DOCK2: variants seen among roughly 807,000 people sequenced by gnomAD.
DOCK2 encodes dedicator of cytokinesis 2.
In DOCK2, 87 loss-of-function variants were observed where a neutral mutation model predicts 248.9. The ratio of observed to expected loss-of-function variants is 0.35; its 90% CI spans 0.29 to 0.42. The LOEUF (loss-of-function observed/expected upper bound fraction) is 0.42, where lower values mean the gene tolerates loss of function less well. DOCK2 is among the 10% of genes least tolerant of loss of function. The pLI is 1.00. For missense variants in DOCK2, 1,747 were observed against 2,300.2 expected (o/e 0.76, Z 4.92); for synonymous variants, 805 against 821.6 (o/e 0.98, Z 0.35).
chr5:169,983,348 A>G (rs530056595), intron 28 of DOCK2, among the ~76,000 whole-genome samples, 182 bp downstream of exon 28: 1 of 152,314 alleles, frequency 6.6e-6, no homozygotes, highest in East Asian at 1.9e-4. Context: ...ATACATTCTT[A>G]GGTTTGCATC....
At chr5:169,668,335 A>C (rs1390560727) in intron 2 of DOCK2, among the ~76,000 whole-genome samples, 2 of 152,050 alleles carry the variant, frequency 1.3e-5, no homozygotes, top group Non-Finnish European at 2.9e-5. Flanking sequence ...TGTCACTCAA[A>C]AAGAAGCTAT....
intron 27 of DOCK2, among the ~76,000 whole-genome samples, chr5:169,855,900 ACTC>A (rs1192408459): frequency 2.6e-5 from 4 of 152,200 alleles, no homozygotes; most frequent in African/African-American, 9.7e-5. Flanking sequence ...GGTTTAATTT[ACTC>A]ACAGTTCCAT....
At chr5:169,945,844 T>A (rs566986638) in intron 27 of DOCK2, among the ~76,000 whole-genome samples, 4 of 152,338 alleles carry the variant, frequency 2.6e-5, no homozygotes, top group South Asian at 2.1e-4. Flanking sequence ...TTGTGCAGCC[T>A]GATTTTTCTT....
chr5:169,729,137 G>C (rs1762633985), intron 22 of DOCK2, among the ~76,000 whole-genome samples: 2 of 152,192 alleles, frequency 1.3e-5, no homozygotes, highest in South Asian at 2.1e-4. Context: ...TGTAGATTTA[G>C]AAACTGCATT....
intron 25 of DOCK2, among the ~76,000 whole-genome samples, chr5:169,776,298 G>A (rs1408771680): frequency 2.0e-5 from 3 of 151,678 alleles, no homozygotes; most frequent in Non-Finnish European, 4.4e-5. Flanking sequence ...AAGTAGCTAG[G>A]AATGCAGGCA....
intron 25 of DOCK2, among the ~76,000 whole-genome samples, chr5:169,789,291 T>G (rs1405606240): frequency 6.6e-6 from 1 of 152,240 alleles, no homozygotes; most frequent in South Asian, 2.1e-4. Context: ...GTCTTTGCAA[T>G]TGTGAATAGT....
At chr5:170,041,953 A>G (rs1756532628) in intron 37 of DOCK2, 60 bp from the exon 38 acceptor site, 1 of 1,586,726 alleles carries the variant, frequency 6.3e-7, no homozygotes, top group Non-Finnish European at 8.6e-7. Flanking sequence ...AATCCTAGGA[A>G]GACACCTGCT....
At chr5:170,055,257 C>T (rs770471679) in intron 41 of DOCK2, 48 bp from the exon 42 acceptor site, 1 of 1,586,456 alleles carries the variant, frequency 6.3e-7, no homozygotes, top group Non-Finnish European at 8.7e-7. Flanking sequence ...ATACTTAAAA[C>T]TGTCCCCGCA....
At chr5:170,076,174 C>A in intron 47 of DOCK2, 90 bp downstream of exon 47, 3 of 1,509,720 alleles carry the variant, frequency 2.0e-6, no homozygotes, top group South Asian at 1.3e-5. Flanking sequence ...GGGGATCCAG[C>A]AAAGGAAGCT....
chr5:169,889,602 G>C (rs963654971), intron 27 of DOCK2, among the ~76,000 whole-genome samples: 5 of 152,336 alleles, frequency 3.3e-5, no homozygotes, highest in Middle Eastern at 3.4e-3. Context: ...CTGGGGTTCA[G>C]ACTATCCTTT....
At chr5:169,668,316 C>G (rs190223181) in intron 2 of DOCK2, among the ~76,000 whole-genome samples, 85 of 152,306 alleles carry the variant, frequency 5.6e-4, no homozygotes, top group African/African-American at 1.8e-3. Context: ...TCTCCTTCCT[C>G]TCACTTTCTG....
chr5:170,001,322 A>T (rs952967795), intron 30 of DOCK2, among the ~76,000 whole-genome samples: 1 of 152,212 alleles, frequency 6.6e-6, no homozygotes, highest in African/African-American at 2.4e-5. Flanking sequence ...GATTCTGATT[A>T]AAAAATCCTG....
chr5:169,658,989 T>C (rs911110334), intron 2 of DOCK2, among the ~76,000 whole-genome samples: 4 of 37,862 alleles, frequency 1.1e-4, no homozygotes, highest in African/African-American at 1.6e-4. Flanking sequence ...GCATTATTAT[T>C]ATTATTATTA....
chr5:169,654,475 A>G lies in DOCK2; in HGVS notation c.116A>G (p.Glu39Gly). 6.2e-7 allele frequency: 1 copy of G among 1,614,150 alleles called. No homozygotes were observed. The highest frequency in any genetic ancestry group is 1.1e-5 in the South Asian group (1 of 91,074). ...LQIGDVVRIQ[E>G]TCGDWYRGYL... ...ATCGGCGATGTGGTGCGAATACAGGAGACGTGTGGAGGTGAGTCACTGGCC... is the reference window on the plus strand; with the variant it reads ...ATCGGCGATGTGGTGCGAATACAGGGGACGTGTGGAGGTGAGTCACTGGCC... Residue 39 changes from glutamate to glycine, a missense_variant, in exon 2 of 52, where the codon GAG becomes GGG. By Grantham distance (98) the Glu-to-Gly change is moderately conservative. This residue lies in a region of DOCK2 where 375 missense variants were observed against 510.9 expected (regional missense o/e 0.73). Transcript: ENST00000520908.
At chr5:169,747,690 A>G (rs262838) in intron 23 of DOCK2, among the ~76,000 whole-genome samples, 186 bp downstream of exon 23, 49,088 of 152,124 alleles carry the variant, frequency 0.32, 11,413 homozygotes, top group African/African-American at 0.64. Context: ...TTTGTTACCC[A>G]TGAAGCTAGC....
intron 27 of DOCK2, among the ~76,000 whole-genome samples, chr5:169,876,574 A>G (rs531164854): frequency 1.6e-4 from 24 of 152,306 alleles, no homozygotes; most frequent in Admixed American, 5.2e-4. Flanking sequence ...TCAATGTCCT[A>G]TGAAAGTGCA....
chr5:170,067,943 C>T (rs560745853), intron 45 of DOCK2, among the ~76,000 whole-genome samples: 5 of 152,226 alleles, frequency 3.3e-5, no homozygotes, highest in Admixed American at 3.3e-4. Flanking sequence ...CATAAGGTCC[C>T]CTTATCTCAC....
chr5:169,802,589 A>C (rs915390971), intron 25 of DOCK2, among the ~76,000 whole-genome samples: 6 of 152,228 alleles, frequency 3.9e-5, no homozygotes, highest in Admixed American at 6.5e-5. Flanking sequence ...AGTGAAAAAA[A>C]ATCAAGGTTC....
At position 169,762,136 on chromosome 5, in the gene DOCK2, G is replaced by T. The variant is rs183335365; in HGVS notation, c.2554+511G>T. 2.7e-3 allele frequency among the ~76,000 whole-genome samples: 404 copies of T among 152,220 alleles called. 1 individual carries two copies. Among genetic ancestry groups the T allele is most frequent in the Middle Eastern group, 6.8e-3 (2 of 294 alleles). On this transcript the variant is annotated intron_variant, in intron 25 of 51. Coordinates refer to ENST00000520908, the MANE Select transcript of DOCK2 (RefSeq NM_004946.3). The stretch of plus-strand genomic sequence containing the variant: ...GCATTTACATGGATGAAAATGAAAA[G>T]GTATGAAAGGGTACCATGTGGAAAT...
Sources: gnomAD v4.1 joint callset for allele counts (sites outside exome capture counted in the v4.1 genomes callset) on GRCh38, gnomAD v4.1.1 for gene constraint, gnomAD v4.1.1 regional missense constraint, MANE v1.5 for transcripts, NCBI Gene and HGNC (gene_info 2026-07-23, HGNC 2026-07-21) for gene names.